POLI: variants seen among roughly 807,000 people sequenced by gnomAD.
POLI encodes DNA polymerase iota.
A neutral mutation model predicts 51.6 loss-of-function variants in POLI; 58 were observed. The ratio of observed to expected loss-of-function variants is 1.12; its 90% CI spans 0.91 to 1.40. POLI has a LOEUF of 1.40. Among genes scored for constraint, POLI ranks in the 40% most tolerant of loss-of-function variants. POLI has a pLI of 0.00. For synonymous variants in POLI, 322 were observed against 299.7 expected, an observed-to-expected ratio of 1.07 and a Z score of -0.77; for missense variants, 921 against 871.3, an observed-to-expected ratio of 1.06 and a Z score of -0.72.
intron 8 of POLI, chr18:54,287,773 G>T (rs545201562): frequency 6.4e-6 from 1 of 156,000 alleles, no homozygotes; most frequent in Admixed American, 6.4e-5. Context: ...GATAGACAGG[G>T]TCTCAAACTC....
At position 54,279,485 on chromosome 18, in the gene POLI, C is replaced by T. The variant is rs545579892; in HGVS notation, c.560-1182C>T. On this transcript the variant is annotated intron_variant, in intron 4 of 9. Transcript: ENST00000579534. Reference sequence around the variant, plus strand: ...CTTGAACTCCTAATCTCAGATGATCCGCTTGCCTTGGCCTCCCAAAGTGCT... The same window carrying T: ...CTTGAACTCCTAATCTCAGATGATCTGCTTGCCTTGGCCTCCCAAAGTGCT... Among the ~76,000 whole-genome samples, 28 of 152,182 alleles carry T rather than the reference C, an allele frequency of 1.8e-4. No individual in the cohort carries two copies. The South Asian group carries it at 5.2e-3, about 28-fold the overall frequency.
At chr18:54,277,387 A>G (rs1009419921) in intron 3 of POLI, among the ~76,000 whole-genome samples, 8 of 152,196 alleles carry the variant, frequency 5.3e-5, no homozygotes, top group Admixed American at 5.2e-4. Context: ...AAGGTCACCA[A>G]TTTACTATAA....
chr18:54,306,138 TC>T (rs1273049197), intron 3 of POLI, among the ~76,000 whole-genome samples: 1 of 152,220 alleles, frequency 6.6e-6, no homozygotes, highest in East Asian at 1.9e-4. Flanking sequence ...AGAGAGGGCA[TC>T]CCTGTCTTGT....
At chr18:54,284,939 A>T (rs1303507230) in intron 7 of POLI, among the ~76,000 whole-genome samples, 3 of 152,138 alleles carry the variant, frequency 2.0e-5, no homozygotes, top group African/African-American at 7.2e-5. Context: ...CTTGTTAGAA[A>T]TTTCTCAAAT....
chr18:54,284,863 C>T (rs1200814169), intron 7 of POLI: 2 of 152,178 alleles, frequency 1.3e-5, no homozygotes, highest in African/African-American at 4.8e-5. Context: ...ACATGTATTT[C>T]TCAATATTCC....
rs1370260238 is a variant in POLI, at chr18:54,291,916, C to G, written c.1282C>G (p.Leu428Val). The change falls in exon 9 of 10, where the codon CTT becomes GTT. Residue 428 changes from leucine to valine, a missense_variant. Coordinates refer to ENST00000579534, the MANE Select transcript of POLI (RefSeq NM_007195.3). ...GGTGAATGTGAAGATGCCATTTCAC[C>G]TTACCCTTCTAAGTGTGTGCTTCTG... ...NMVNVKMPFH[L>V]TLLSVCFCNL... 1.2e-6 allele frequency: 2 copies of G among 1,608,626 alleles called. No homozygotes were observed. Among genetic ancestry groups the G allele is most frequent in the Admixed American group, 1.7e-5 (1 of 59,912 alleles).
In POLI at chr18:54,305,187, A is replaced by G. The variant is rs183723344; in HGVS notation, c.334-15086A>G. On this transcript the variant is annotated intron_variant, in intron 3 of 4. Transcript: ENST00000579823. ...TAGCCTTGTAGTGTAGTTTGAAGTCAGGTAGCATGATGCCTCCAGCTTTGT... is the reference window on the plus strand; with the variant it reads ...TAGCCTTGTAGTGTAGTTTGAAGTCGGGTAGCATGATGCCTCCAGCTTTGT... Among the ~76,000 whole-genome samples, 204 of 152,298 alleles carry G rather than the reference A, an allele frequency of 1.3e-3. 1 individual carries two copies. Among genetic ancestry groups the G allele is most frequent in the African/African-American group, 4.5e-3 (185 of 41,554 alleles).
rs1216958312 is a variant in POLI, at chr18:54,283,884, TGA to T, written c.976-36_976-35del. 8.1e-6 allele frequency: 6 copies of T among 738,114 alleles called. No individual in the cohort carries two copies. The African/African-American group carries it at 1.1e-4, about 13-fold the overall frequency. 45.7% of individuals were successfully genotyped at this position (738,114 alleles called of 1,614,324 possible). On this transcript the variant is annotated intron_variant, in intron 6 of 9. Coordinates refer to ENST00000579534, the MANE Select transcript of POLI (RefSeq NM_007195.3). Reference sequence around the variant, plus strand: ...CTGATAATAATTAGATATAGTTATTTGAGTTTGTGCTAATCCTTATTTATGCT... The same window carrying T: ...CTGATAATAATTAGATATAGTTATTTGTTTGTGCTAATCCTTATTTATGCT...
At chr18:54,312,112 C>T (rs1050217929) in intron 3 of POLI, among the ~76,000 whole-genome samples, 1 of 152,136 alleles carries the variant, frequency 6.6e-6, no homozygotes, top group Non-Finnish European at 1.5e-5. Flanking sequence ...CTCTCCTTCT[C>T]CCTTATATTC....
At chr18:54,288,451 C>T (rs1489246078) in intron 8 of POLI, among the ~76,000 whole-genome samples, 2 of 152,046 alleles carry the variant, frequency 1.3e-5, no homozygotes, top group South Asian at 2.1e-4. Flanking sequence ...TCCAGTTGTT[C>T]CTGCATCATT....
At position 54,297,072 on chromosome 18, in the gene POLI, ATTCACC is replaced by A; in HGVS notation, c.*2608_*2613del. The A allele has an allele frequency of 1.0e-6, 1 of 985,336 alleles. No homozygotes were observed. Among genetic ancestry groups the A allele is most frequent in the Non-Finnish European group, 1.2e-6 (1 of 829,894 alleles). 61.0% of individuals were successfully genotyped at this position (985,336 alleles called of 1,614,324 possible). A position where few individuals can be genotyped will look rare whatever the true frequency, so the allele number is the denominator to read the frequency against. ...TGGTACAAACTCCTTGGCATACTCT[ATTCACC>A]TTTGTGGATCCTGATTGAATGCCTT... On this transcript the variant is annotated 3_prime_UTR_variant, in exon 10 of 10. Transcript: ENST00000579534.
intron 8 of POLI, among the ~76,000 whole-genome samples, chr18:54,290,542 T>C (rs897575408): frequency 7.2e-5 from 11 of 152,284 alleles, no homozygotes; most frequent in South Asian, 6.2e-4. Context: ...ATGTTTATTG[T>C]GGCACTATTC....
At chr18:54,310,991 C>T (rs1217068864) in intron 3 of POLI, 26 of 412,392 alleles carry the variant, frequency 6.3e-5, no homozygotes, top group Non-Finnish European at 8.2e-5. Flanking sequence ...TGCCTGGCCT[C>T]AAGTGATCCT....
At chr18:54,286,416 A>G (rs188515942) in intron 7 of POLI, among the ~76,000 whole-genome samples, 4 of 150,798 alleles carry the variant, frequency 2.7e-5, no homozygotes, top group Admixed American at 2.6e-4. Context: ...CATATTGTAT[A>G]TTAATTATAT....
At position 54,304,389 on chromosome 18, in the gene POLI, C is replaced by T. The variant is rs560598841; in HGVS notation, c.334-15884C>T. On this transcript the variant is annotated intron_variant, in intron 3 of 4. Coordinates refer to the POLI transcript ENST00000579823. Reference sequence around the variant, plus strand: ...TACACTCCCACCAACAGTGTAAAAGCGTTCCTATTTCTCCACATCCTCTCC... The same window carrying T: ...TACACTCCCACCAACAGTGTAAAAGTGTTCCTATTTCTCCACATCCTCTCC... Among the ~76,000 whole-genome samples the T allele has an allele frequency of 1.4e-3, 212 of 152,172 alleles. 5 individuals are homozygous for T. The South Asian group carries it at 0.03, about 22-fold the overall frequency.
At chr18:54,276,711 T>G (rs1030890260) in intron 3 of POLI, among the ~76,000 whole-genome samples, 2 of 152,190 alleles carry the variant, frequency 1.3e-5, no homozygotes, top group African/African-American at 2.4e-5. Flanking sequence ...TTCTCAGGAG[T>G]GATTTTTGGT....
chr18:54,317,610 C>G (rs2088751349), intron 3 of POLI, among the ~76,000 whole-genome samples: 1 of 152,094 alleles, frequency 6.6e-6, no homozygotes, highest in African/African-American at 2.4e-5. Flanking sequence ...TGTTTGTAAT[C>G]CCAGTGCTTT....
chr18:54,310,614 T>C (rs895533003), intron 3 of POLI, among the ~76,000 whole-genome samples: 1 of 152,116 alleles, frequency 6.6e-6, no homozygotes, highest in Non-Finnish European at 1.5e-5. Context: ...GTTCTCACAA[T>C]TTGGTGATAT....
Position 54,282,875 on chromosome 18 carries a change from G to C in POLI, c.835G>C (p.Gly279Arg), listed in dbSNP as rs1197007819. 1 of 1,573,950 alleles carries C rather than the reference G, an allele frequency of 6.4e-7. No homozygotes were observed. The highest frequency in any genetic ancestry group is 1.2e-5 in the South Asian group (1 of 85,942). Reference protein sequence around the residue: ...YKTAKCLEALGINSVRDLQTF... With the variant: ...YKTAKCLEALRINSVRDLQTF... The stretch of plus-strand genomic sequence containing the variant: ...AACTGCCAAATGTCTTGAAGCACTG[G>C]GTATCAATAGTGTGCGTGATCTCCA... Residue 279 changes from glycine to arginine, a missense_variant, in exon 6 of 10, where the codon GGT becomes CGT. Physicochemically the swap from Gly to Arg is moderately radical, Grantham distance 125. Transcript: ENST00000579534.
Sources: gnomAD v4.1 joint callset for allele counts (sites outside exome capture counted in the v4.1 genomes callset) on GRCh38, gnomAD v4.1.1 for gene constraint, MANE v1.5 for transcripts, NCBI Gene and HGNC (gene_info 2026-07-23, HGNC 2026-07-21) for gene names.